Variants in ITGA9 observed in about 807,000 individuals in gnomAD.
ITGA9 encodes integrin subunit alpha 9, also known as integrin alpha-9.
ITGA9 carries 56 observed loss-of-function variants against 127.8 expected under a neutral mutation model. The observed-to-expected ratio is 0.44, with a 90% CI of 0.35 to 0.55. The LOEUF (loss-of-function observed/expected upper bound fraction) is 0.55. ITGA9 is among the 20% of genes least tolerant of loss of function. The pLI is 0.00. For missense variants in ITGA9, 1,196 were observed against 1,347.1 expected (o/e 0.89, Z 1.76); for synonymous variants, 508 against 514.5 (o/e 0.99, Z 0.17).
At chr3:37,677,936 G>C (rs1157893555) in intron 17 of ITGA9, among the ~76,000 whole-genome samples, 1 of 152,200 alleles carries the variant, frequency 6.6e-6, no homozygotes, top group Non-Finnish European at 1.5e-5. Context: ...TCCTTACTGA[G>C]GGCATGCTGC....
At chr3:37,507,000 C>T (rs1396627733) in intron 7 of ITGA9, among the ~76,000 whole-genome samples, 1 of 152,224 alleles carries the variant, frequency 6.6e-6, no homozygotes, top group Non-Finnish European at 1.5e-5. Flanking sequence ...AGCTGACGAA[C>T]TTTCCAGTTG....
At chr3:37,741,690 G>A (rs1460608739) in intron 20 of ITGA9, 40 bp from the exon 21 acceptor site, 2 of 1,499,958 alleles carry the variant, frequency 1.3e-6, no homozygotes, top group African/African-American at 2.8e-5. Flanking sequence ...TGGACAGCTA[G>A]TGTTGGCCAG....
At chr3:37,559,988 C>T (rs908438727) in intron 15 of ITGA9, among the ~76,000 whole-genome samples, 1 of 152,164 alleles carries the variant, frequency 6.6e-6, no homozygotes, top group Non-Finnish European at 1.5e-5. Context: ...TTCTAGGGTA[C>T]ATGTGCACAA....
intron 18 of ITGA9, among the ~76,000 whole-genome samples, chr3:37,714,883 A>G (rs956390316): frequency 6.6e-6 from 1 of 152,186 alleles, no homozygotes; most frequent in African/African-American, 2.4e-5. Context: ...GGCCCCACTG[A>G]ATACGGGCAT....
intron 4 of ITGA9, among the ~76,000 whole-genome samples, chr3:37,492,032 C>T (rs1698678995): frequency 6.6e-6 from 1 of 152,226 alleles, no homozygotes; most frequent in East Asian, 1.9e-4. Flanking sequence ...CTTTCCTAGA[C>T]TAGAGTTGCC....
At chr3:37,480,212 A>G (rs1698538187) in intron 3 of ITGA9, among the ~76,000 whole-genome samples, 1 of 151,812 alleles carries the variant, frequency 6.6e-6, no homozygotes, top group Non-Finnish European at 1.5e-5. Context: ...GTCATGTCCA[A>G]GCAGAAGGCA....
intron 15 of ITGA9, among the ~76,000 whole-genome samples, chr3:37,612,094 C>G (rs541571322): frequency 6.6e-6 from 1 of 152,168 alleles, no homozygotes; most frequent in East Asian, 1.9e-4. Context: ...TTCACATAAC[C>G]TATGAAGACT....
At chr3:37,616,223 C>T (rs1302898594) in intron 15 of ITGA9, among the ~76,000 whole-genome samples, 3 of 152,068 alleles carry the variant, frequency 2.0e-5, no homozygotes, top group Non-Finnish European at 4.4e-5. Context: ...TTGTTATGTA[C>T]CCAGTAGTCA....
chr3:37,590,228 T>C (rs1359666822), intron 15 of ITGA9, among the ~76,000 whole-genome samples: 1 of 152,210 alleles, frequency 6.6e-6, no homozygotes, highest in Non-Finnish European at 1.5e-5. Context: ...TTGACTCTAC[T>C]GGGCTCTCCC....
chr3:37,560,797 A>G (rs1477649240), intron 15 of ITGA9, among the ~76,000 whole-genome samples: 1 of 152,272 alleles, frequency 6.6e-6, no homozygotes, highest in Non-Finnish European at 1.5e-5. Flanking sequence ...TAGAGCTGCC[A>G]TAATGAAGAC....
At chr3:37,804,274 T>TA (rs963112819) in intron 27 of ITGA9, among the ~76,000 whole-genome samples, 3 of 152,174 alleles carry the variant, frequency 2.0e-5, no homozygotes, top group African/African-American at 7.2e-5. Context: ...CCCATTTGCT[T>TA]AAAAAAGATC....
At chr3:37,748,271 G>GC in intron 22 of ITGA9, 1 of 502,468 alleles carries the variant, frequency 2.0e-6, no homozygotes, top group South Asian at 1.6e-5. Flanking sequence ...GGAAGGCCCC[G>GC]CAAGTATTAC....
chr3:37,566,580 C>T (rs1449483179), intron 15 of ITGA9, among the ~76,000 whole-genome samples: 2 of 152,178 alleles, frequency 1.3e-5, no homozygotes, highest in Non-Finnish European at 2.9e-5. Flanking sequence ...TACCATTAGC[C>T]CCACTTTGGC....
intron 17 of ITGA9, among the ~76,000 whole-genome samples, chr3:37,654,841 CT>C (rs534289763): frequency 1.2e-3 from 185 of 152,244 alleles, no homozygotes; most frequent in African/African-American, 4.4e-3. Flanking sequence ...TATCCCTCCC[CT>C]AACCCCCCAC....
chr3:37,589,041 A>T (rs572384309), intron 15 of ITGA9, among the ~76,000 whole-genome samples: 1 of 152,352 alleles, frequency 6.6e-6, no homozygotes, highest in African/African-American at 2.4e-5. Context: ...ATATCTTAGC[A>T]GCCCCACTGA....
chr3:37,548,711 C>A (rs1023270480), intron 15 of ITGA9, among the ~76,000 whole-genome samples: 1 of 152,138 alleles, frequency 6.6e-6, no homozygotes, highest in Non-Finnish European at 1.5e-5. Context: ...GGCTGAGGAC[C>A]CCTGAGAGGG....
At chr3:37,615,135 G>T (rs1192624795) in intron 15 of ITGA9, among the ~76,000 whole-genome samples, 1 of 152,136 alleles carries the variant, frequency 6.6e-6, no homozygotes, top group Non-Finnish European at 1.5e-5. Context: ...TTTGAGATAG[G>T]TCCCATCAAT....
At chr3:37,708,745 T>C (rs1701042040) in intron 18 of ITGA9, among the ~76,000 whole-genome samples, 1 of 124 alleles carries the variant, frequency 8.1e-3, no homozygotes, top group East Asian at 0.5. Context: ...TATCCCTTTT[T>C]ACACATGAGA....
chr3:37,623,412 T>G (rs2125632483), intron 15 of ITGA9, among the ~76,000 whole-genome samples: 1 of 152,316 alleles, frequency 6.6e-6, no homozygotes, highest in East Asian at 1.9e-4. Flanking sequence ...ACTTAGCTTT[T>G]TAGCCACTGC....
Sources: allele counts gnomAD v4.1 joint callset (sites outside exome capture counted in the v4.1 genomes callset), GRCh38; gene constraint gnomAD v4.1.1; transcripts MANE v1.5; gene names NCBI Gene and HGNC (gene_info 2026-07-23, HGNC 2026-07-21).